BMP8A: variants seen among roughly 807,000 people sequenced by gnomAD.
BMP8A encodes the protein BMP-8A.
BMP8A carries 14 observed loss-of-function variants against 36.8 expected under a neutral mutation model. That is an observed-to-expected ratio of 0.38 (90% CI 0.25 to 0.60). The LOEUF (loss-of-function observed/expected upper bound fraction) is 0.60, where lower values mean the gene tolerates loss of function less well. Among genes scored for constraint, BMP8A ranks in the 20% least tolerant of loss-of-function variants. BMP8A has a pLI of 0.63. For missense variants in BMP8A, 267 were observed against 551.1 expected (o/e 0.48, Z 5.16); for synonymous variants, 120 against 237.7 (o/e 0.50, Z 4.55).
At chr1:39,508,877 C>G (rs1645325955) in intron 1 of BMP8A, among the ~76,000 whole-genome samples, 1 of 152,200 alleles carries the variant, frequency 6.6e-6, no homozygotes, top group Non-Finnish European at 1.5e-5. Flanking sequence ...CCAGGGGAGG[C>G]AGTTTCCTGT....
At chr1:39,503,621 TC>T (rs1321235257) in intron 1 of BMP8A, among the ~76,000 whole-genome samples, 1 of 149,674 alleles carries the variant, frequency 6.7e-6, no homozygotes, top group Non-Finnish European at 1.5e-5. Context: ...TTCAAGTGAT[TC>T]CCCTGCCTCA....
intron 1 of BMP8A, among the ~76,000 whole-genome samples, chr1:39,504,214 GA>G (rs1645278734): frequency 6.6e-6 from 1 of 151,236 alleles, no homozygotes; most frequent in Non-Finnish European, 1.5e-5. Flanking sequence ...ATAAGATACA[GA>G]GAGACAAAGT....
rs181446438 is a variant in BMP8A at position 39,526,490 on chromosome 1, C to G, written c.*692C>G. Among the ~76,000 whole-genome samples, 3 of 152,238 alleles carry G rather than the reference C, an allele frequency of 2.0e-5. No homozygotes were observed. Among genetic ancestry groups the G allele is most frequent in the Admixed American group, 6.5e-5 (1 of 15,292 alleles). On this transcript the variant is annotated 3_prime_UTR_variant, in exon 7 of 7. Coordinates refer to ENST00000331593, the MANE Select transcript of BMP8A (RefSeq NM_181809.4). ...AGTAGCTGGGATTACAGGGGCCCACCACCACGCCCAGCTCATTCTTGTATT... is the reference window on the plus strand; with the variant it reads ...AGTAGCTGGGATTACAGGGGCCCACGACCACGCCCAGCTCATTCTTGTATT...
chr1:39,523,305 A>G (rs1645448615), intron 6 of BMP8A, among the ~76,000 whole-genome samples, 188 bp downstream of exon 6: 1 of 152,044 alleles, frequency 6.6e-6, no homozygotes, highest in African/African-American at 2.4e-5. Context: ...CAGCCACACT[A>G]CTACACATAG....
rs1003498721 is a variant in BMP8A at position 39,525,269 on chromosome 1, CAG to C, written c.1060-379_1060-378del. On this transcript the variant is annotated intron_variant, in intron 6 of 6. Coordinates refer to ENST00000331593, the MANE Select transcript of BMP8A (RefSeq NM_181809.4). ...GGGGGTCTGAAGGGCTATAAGAAGA[CAG>C]TGGTCCTTCCAGGTTCCCCCTTGGG... The C allele has an allele frequency of 1.3e-3, 289 of 216,268 alleles. 1 individual carries two copies. Among genetic ancestry groups the C allele is most frequent in the Non-Finnish European group, 3.1e-4 (33 of 107,744 alleles). 13.4% of individuals were successfully genotyped at this position (216,268 alleles called of 1,614,324 possible). A position where few individuals can be genotyped will look rare whatever the true frequency, so the allele number is the denominator to read the frequency against.
chr1:39,491,972 C>G lies in BMP8A; in HGVS notation c.-20C>G, dbSNP rs12028867. 32 of 1,075,000 alleles carry G rather than the reference C, an allele frequency of 3.0e-5. No homozygotes were observed. Among genetic ancestry groups the G allele is most frequent in the Non-Finnish European group, 3.4e-5 (30 of 888,426 alleles). The allele number at this position is 1,075,000 out of a possible 1,614,324, so 66.6% of individuals were successfully genotyped here. A position where few individuals can be genotyped will look rare whatever the true frequency, so the allele number is the denominator to read the frequency against. The stretch of plus-strand genomic sequence containing the variant: ...CGGCGGCGGAGCTGATGTGCGCCCG[C>G]TGAGCGCCCCCGGCCCGCCATGGCC... On this transcript the variant is annotated 5_prime_UTR_variant, in exon 1 of 7. Transcript: ENST00000331593.
chr1:39,498,734 G>A (rs1427075912), intron 1 of BMP8A, among the ~76,000 whole-genome samples: 1 of 152,056 alleles, frequency 6.6e-6, no homozygotes, highest in African/African-American at 2.4e-5. Flanking sequence ...AAGTGCCCCT[G>A]CCCCACCGCC....
At chr1:39,503,579 ATCT>A (rs1422803209) in intron 1 of BMP8A, among the ~76,000 whole-genome samples, 1 of 133,144 alleles carries the variant, frequency 7.5e-6, no homozygotes, top group Non-Finnish European at 1.5e-5. Context: ...CAGTCGTGCA[ATCT>A]TGGGTCACTG....
At chr1:39,517,076 C>T (rs1645400205) in intron 3 of BMP8A, among the ~76,000 whole-genome samples, 1 of 152,098 alleles carries the variant, frequency 6.6e-6, no homozygotes, top group Non-Finnish European at 1.5e-5. Context: ...GCAACCTCTG[C>T]CTCCTGGGCT....
chr1:39,528,699 C>CTTT lies in BMP8A; in HGVS notation c.*2916_*2918dup, dbSNP rs34518993. On this transcript the variant is annotated 3_prime_UTR_variant, in exon 7 of 7. Transcript: ENST00000331593. ...CGACCTGGCATCAGGTCCTGGCTGC[C>CTTT]TTTTTTTTTTTTTTTTTAAAGACAT... 6.5e-5 allele frequency among the ~76,000 whole-genome samples: 9 copies of CTTT among 139,174 alleles called. No individual in the cohort carries two copies. The highest frequency in any genetic ancestry group is 1.6e-4 in the African/African-American group (6 of 37,410). 91.3% of individuals were successfully genotyped at this position (139,174 alleles called of 152,430 possible).
chr1:39,521,534 G>A lies in BMP8A; in HGVS notation c.832G>A (p.Glu278Lys), dbSNP rs142499129. Reference protein sequence around the residue: ...LRRRQPKKSNELPQANRLPGI... With the variant: ...LRRRQPKKSNKLPQANRLPGI... ...GAGGAGGCAACCGAAGAAAAGCAAC[G>A]AGCTGCCGCAGGCCAACCGACTCCC... The change falls in exon 4 of 7, where the codon GAG (glutamate) becomes AAG (lysine). Residue 278 changes from glutamate (E) to lysine (K), a missense_variant. By Grantham distance (56) the Glu-to-Lys change is moderately conservative (BLOSUM62 1). This residue lies in a region of BMP8A where 6 missense variants were observed against 27.9 expected (regional missense o/e 0.21). Coordinates refer to ENST00000331593, the MANE Select transcript of BMP8A (RefSeq NM_181809.4). 639 of 868,356 alleles carry A rather than the reference G, an allele frequency of 7.4e-4. 182 individuals are homozygous for A. The African/African-American group carries it at 0.014, about 19-fold the overall frequency. The allele number at this position is 868,356 out of a possible 1,614,324, so 53.8% of individuals were successfully genotyped here. A position where few individuals can be genotyped will look rare whatever the true frequency, so the allele number is the denominator to read the frequency against.
rs2124290382 is a variant in BMP8A at position 39,491,675 on chromosome 1, T to A, written c.-317T>A. The A allele has an allele frequency of 6.4e-6, 1 of 156,734 alleles. No homozygotes were observed. The highest frequency in any genetic ancestry group is 1.9e-4 in the East Asian group (1 of 5,304). The allele number at this position is 156,734 out of a possible 1,614,324, so 9.7% of individuals were successfully genotyped here. A position where few individuals can be genotyped will look rare whatever the true frequency, so the allele number is the denominator to read the frequency against. ...GCTGCCGGAGCTCGCCGGTCGCCCC[T>A]GCGCTGCGCGGACCGCAGCCACAGC... On this transcript the variant is annotated 5_prime_UTR_variant, in exon 1 of 7. Transcript: ENST00000331593.
In BMP8A at chr1:39,500,985, T is replaced by A. The variant is rs183096153; in HGVS notation, c.334+8660T>A. Reference sequence around the variant, plus strand: ...AGGTTTATTTGGCATACAATTCTAGTGGCTGAAAGGCTCAAGGCTGGGCAG... The same window carrying A: ...AGGTTTATTTGGCATACAATTCTAGAGGCTGAAAGGCTCAAGGCTGGGCAG... On this transcript the variant is annotated intron_variant, in intron 1 of 6. Transcript: ENST00000331593. Among the ~76,000 whole-genome samples, 26 of 152,286 alleles carry A rather than the reference T, an allele frequency of 1.7e-4. No homozygotes were observed. The East Asian group carries it at 4.8e-3, about 28-fold the overall frequency.
At chr1:39,506,505 C>A (rs537595912) in intron 1 of BMP8A, among the ~76,000 whole-genome samples, 1 of 152,212 alleles carries the variant, frequency 6.6e-6, no homozygotes, top group African/African-American at 2.4e-5. Flanking sequence ...CCGCGCCCCC[C>A]CCAATTTCCT....
At position 39,491,941 on chromosome 1, in the gene BMP8A, C is replaced by T. The variant is rs1210636902; in HGVS notation, c.-51C>T. 10 of 1,058,586 alleles carry T rather than the reference C, an allele frequency of 9.4e-6. No homozygotes were observed. Among genetic ancestry groups the T allele is most frequent in the Admixed American group, 5.4e-5 (1 of 18,424 alleles). The allele number at this position is 1,058,586 out of a possible 1,614,324, so 65.6% of individuals were successfully genotyped here. A position where few individuals can be genotyped will look rare whatever the true frequency, so the allele number is the denominator to read the frequency against. Reference sequence around the variant, plus strand: ...TTCGCCGTCGGGGCGTCCCCGGGCCCAGGGGCGGCGGCGGAGCTGATGTGC... The same window carrying T: ...TTCGCCGTCGGGGCGTCCCCGGGCCTAGGGGCGGCGGCGGAGCTGATGTGC... On this transcript the variant is annotated 5_prime_UTR_variant, in exon 1 of 7. Transcript: ENST00000331593.
intron 1 of BMP8A, among the ~76,000 whole-genome samples, chr1:39,509,509 G>A (rs1451688925): frequency 2.6e-5 from 4 of 152,166 alleles, no homozygotes; most frequent in African/African-American, 9.7e-5. Flanking sequence ...AGCTTTTGCT[G>A]CATGCCCAGC....
chr1:39,504,625 C>T (rs1158347480), intron 1 of BMP8A, among the ~76,000 whole-genome samples: 1 of 152,244 alleles, frequency 6.6e-6, no homozygotes, highest in Non-Finnish European at 1.5e-5. Context: ...CCCTCCACAC[C>T]TGTGGGTATT....
rs1645162431 is a variant in BMP8A, at chr1:39,492,006, C to T, written c.15C>T (p.Pro5=). 9.2e-7 allele frequency: 1 copy of T among 1,086,458 alleles called. No homozygotes were observed. Among genetic ancestry groups the T allele is most frequent in the South Asian group, 4.3e-5 (1 of 23,066 alleles). The allele number at this position is 1,086,458 out of a possible 1,614,324, so 67.3% of individuals were successfully genotyped here. Residue 5 remains proline, a synonymous_variant, in exon 1 of 7, where the codon CCC becomes CCT. Transcript: ENST00000331593. Reference sequence around the variant, plus strand: ...CCCGGCCCGCCATGGCCGCGCGCCCCGGACCGCTCTGGCTTCTGGGCCTGA... The same window carrying T: ...CCCGGCCCGCCATGGCCGCGCGCCCTGGACCGCTCTGGCTTCTGGGCCTGA... MAAR[P]GPLWLLGLTL...
intron 6 of BMP8A, chr1:39,523,979 A>AAC (rs3832006): frequency 0.19 from 28,724 of 152,466 alleles, 2,736 homozygotes; most frequent in African/African-American, 0.23. Context: ...TAAAAATTAA[A>AAC]ACACACACAC....
Sources: gnomAD v4.1 joint callset for allele counts (sites outside exome capture counted in the v4.1 genomes callset) on GRCh38, gnomAD v4.1.1 for gene constraint, gnomAD v4.1.1 regional missense constraint, MANE v1.5 for transcripts, NCBI Gene and HGNC (gene_info 2026-07-23, HGNC 2026-07-21) for gene names.